The following PRICKLE2 variants were observed in gnomAD, a reference collection of about 807,000 sequenced individuals.
PRICKLE2 encodes prickle planar cell polarity protein 2, also known as prickle-like protein 2.
Under a neutral mutation model 81.4 loss-of-function variants are expected in PRICKLE2, and 21 were observed. That is an observed-to-expected ratio of 0.26 (90% CI 0.18 to 0.37). The LOEUF (loss-of-function observed/expected upper bound fraction) is 0.37. Among genes scored for constraint, PRICKLE2 ranks in the 10% least tolerant of loss-of-function variants. The pLI, the probability that PRICKLE2 is intolerant of heterozygous loss-of-function variation, is 1.00. For missense variants in PRICKLE2, 940 were observed against 1,109.0 expected, an observed-to-expected ratio of 0.85 and a Z score of 2.16; for synonymous variants, 456 against 421.5, an observed-to-expected ratio of 1.08 and a Z score of -1.00.
chr3:64,163,871 A>G (rs1024017647), intron 2 of PRICKLE2: 1 of 151,542 alleles, frequency 6.6e-6, no homozygotes, highest in African/African-American at 2.4e-5. Context: ...ATTCAGCCAC[A>G]TGCAAAACTA....
intron 1 of PRICKLE2, 77 bp from the exon 2 acceptor site, chr3:64,199,044 C>G (rs1018139559): frequency 1.5e-6 from 2 of 1,340,748 alleles, no homozygotes; most frequent in East Asian, 4.9e-5. Flanking sequence ...AGTCACTAGC[C>G]CCTGGATCCC....
chr3:64,214,713 G>C (rs1575675565), intron 1 of PRICKLE2, among the ~76,000 whole-genome samples: 2 of 152,116 alleles, frequency 1.3e-5, no homozygotes, highest in South Asian at 4.1e-4. Context: ...GTAAGGTTTT[G>C]AAAATATTAA....
Position 64,094,823 on chromosome 3 carries a change from T to C in PRICKLE2, c.*4228A>G, listed in dbSNP as rs2076547992. Reference sequence around the variant, plus strand: ...ACCTCAAAAGGTGGCGATCTGAAACTGCCTTCAACAATTGGCAGTGGAGGC... The same window carrying C: ...ACCTCAAAAGGTGGCGATCTGAAACCGCCTTCAACAATTGGCAGTGGAGGC... On this transcript the variant is annotated 3_prime_UTR_variant, in exon 8 of 8. Transcript: ENST00000638394. 1 of 152,662 alleles carries C rather than the reference T, an allele frequency of 6.6e-6. No individual in the cohort carries two copies. The highest frequency in any genetic ancestry group is 1.9e-4 in the East Asian group (1 of 5,186). 9.5% of individuals were successfully genotyped at this position (152,662 alleles called of 1,614,324 possible). A position where few individuals can be genotyped will look rare whatever the true frequency, so the allele number is the denominator to read the frequency against.
chr3:64,262,259 T>C (rs1336303210), intron 2 of PRICKLE2, among the ~76,000 whole-genome samples: 4 of 152,018 alleles, frequency 2.6e-5, no homozygotes, highest in Non-Finnish European at 4.4e-5. Flanking sequence ...CTTATTCCCA[T>C]TGGATAGGAT....
chr3:64,265,992 A>C lies in PRICKLE2; in HGVS notation c.129-67025T>G, dbSNP rs536678503. ...CTTAAATGGAAGTACAACCCCGAAA[A>C]TAAAAAATAAAAGGCTTGTTGATGC... On this transcript the variant is annotated intron_variant, in intron 2 of 8. Transcript: ENST00000295902. 5.5e-4 allele frequency among the ~76,000 whole-genome samples: 84 copies of C among 152,310 alleles called. 1 individual carries two copies. The South Asian group carries it at 0.011, about 20-fold the overall frequency.
intron 2 of PRICKLE2, among the ~76,000 whole-genome samples, chr3:64,249,024 T>C (rs1460712292): frequency 2.6e-5 from 4 of 152,158 alleles, no homozygotes; most frequent in East Asian, 1.9e-4. Context: ...TCCTATTACA[T>C]AAAGGAAAAT....
intron 2 of PRICKLE2, among the ~76,000 whole-genome samples, chr3:64,261,224 C>A (rs955425441): frequency 2.0e-5 from 3 of 152,094 alleles, no homozygotes; most frequent in Non-Finnish European, 4.4e-5. Flanking sequence ...ATCTCTACAA[C>A]CCCCAGGAAG....
At chr3:64,126,755 T>C (rs2077113548) in intron 7 of PRICKLE2, among the ~76,000 whole-genome samples, 1 of 152,052 alleles carries the variant, frequency 6.6e-6, no homozygotes, top group African/African-American at 2.4e-5. Context: ...TTTTTGTATT[T>C]TTAGTGGAGA....
At chr3:64,178,112 A>G (rs1238786813) in intron 2 of PRICKLE2, among the ~76,000 whole-genome samples, 1 of 152,180 alleles carries the variant, frequency 6.6e-6, no homozygotes, top group African/African-American at 2.4e-5. Flanking sequence ...CTGAAGCAGT[A>G]TCTCATTGTG....
chr3:64,158,242 G>T, intron 4 of PRICKLE2, among the ~76,000 whole-genome samples: 1 of 152,366 alleles, frequency 6.6e-6, no homozygotes, highest in Non-Finnish European at 1.5e-5. Flanking sequence ...AATGTCTAAA[G>T]AGCAGAGAAG....
At chr3:64,167,719 C>A (rs2077858683) in intron 2 of PRICKLE2, among the ~76,000 whole-genome samples, 1 of 151,906 alleles carries the variant, frequency 6.6e-6, no homozygotes, top group Non-Finnish European at 1.5e-5. Flanking sequence ...GAAAAGTAAG[C>A]TGATTTTTTT....
intron 2 of PRICKLE2, among the ~76,000 whole-genome samples, chr3:64,195,503 G>A (rs538622599): frequency 6.6e-6 from 1 of 152,088 alleles, no homozygotes; most frequent in African/African-American, 2.4e-5. Flanking sequence ...AACCCTAACT[G>A]GTCTTTAATA....
chr3:64,135,583 A>G (rs745807429), intron 7 of PRICKLE2, among the ~76,000 whole-genome samples: 1 of 152,074 alleles, frequency 6.6e-6, no homozygotes, highest in Non-Finnish European at 1.5e-5. Context: ...CTGTTTGCTC[A>G]GCCTGATTTG....
chr3:64,182,567 A>G (rs2078154417), intron 2 of PRICKLE2: 1 of 151,908 alleles, frequency 6.6e-6, no homozygotes, highest in African/African-American at 2.4e-5. Flanking sequence ...GTGGGGACAC[A>G]TTCCCTCTTT....
chr3:64,195,627 C>A (rs537695105), intron 2 of PRICKLE2, among the ~76,000 whole-genome samples: 1 of 151,574 alleles, frequency 6.6e-6, no homozygotes, highest in Non-Finnish European at 1.5e-5. Flanking sequence ...TATTAGTGAA[C>A]GGCATTTAGG....
chr3:64,198,211 A>AAAATAAATAAAT (rs71099792), intron 2 of PRICKLE2, among the ~76,000 whole-genome samples: 6 of 145,088 alleles, frequency 4.1e-5, no homozygotes, highest in Non-Finnish European at 6.0e-5. Flanking sequence ...GACTCTATCT[A>AAAATAAATAAAT]AAATAAATAA....
chr3:64,230,832 C>T (rs998147710), intron 2 of PRICKLE2, among the ~76,000 whole-genome samples: 1 of 152,140 alleles, frequency 6.6e-6, no homozygotes, highest in African/African-American at 2.4e-5. Flanking sequence ...GTGTAGAGTA[C>T]CTAGCATATA....
intron 2 of PRICKLE2, among the ~76,000 whole-genome samples, chr3:64,182,075 A>G (rs763225807): frequency 8.6e-5 from 13 of 151,956 alleles, no homozygotes; most frequent in Non-Finnish European, 1.5e-4. Context: ...GAGTGGCCCT[A>G]TGGTCTGAAT....
In PRICKLE2 at chr3:64,093,586, A is replaced by T. The variant is rs1271018670; in HGVS notation, c.*5465T>A. On this transcript the variant is annotated 3_prime_UTR_variant, in exon 8 of 8. Coordinates refer to ENST00000638394, the MANE Select transcript of PRICKLE2 (RefSeq NM_198859.4). Reference sequence around the variant, plus strand: ...GATGGGAGACATTTTTAGTTGTCACAGTTTCTGGGGGCTGCTACTGGCATC... The same window carrying T: ...GATGGGAGACATTTTTAGTTGTCACTGTTTCTGGGGGCTGCTACTGGCATC... 3 of 152,130 alleles carry T rather than the reference A, an allele frequency of 2.0e-5. No individual in the cohort carries two copies. The highest frequency in any genetic ancestry group is 7.2e-5 in the African/African-American group (3 of 41,412). The allele number at this position is 152,130 out of a possible 1,614,324, so 9.4% of individuals were successfully genotyped here.
Sources: gnomAD v4.1 joint callset for allele counts (sites outside exome capture counted in the v4.1 genomes callset) on GRCh38, gnomAD v4.1.1 for gene constraint, MANE v1.5 for transcripts, NCBI Gene and HGNC (gene_info 2026-07-23, HGNC 2026-07-21) for gene names.